Variants in RITA1 observed in about 807,000 individuals in gnomAD.
RITA1 encodes RBPJ-interacting and tubulin-associated protein 1.
Under a neutral mutation model 8.7 loss-of-function variants are expected in RITA1, and 15 were observed. That is an observed-to-expected ratio of 1.72 (90% CI 1.15 to 2.65). The LOEUF is 2.65. Ranked by LOEUF, RITA1 falls within the 30% of genes most tolerant of loss-of-function variation. The pLI, the probability that RITA1 is intolerant of heterozygous loss-of-function variation, is 0.00. For synonymous variants in RITA1, 145 were observed against 156.2 expected (o/e 0.93, Z 0.53); for missense variants, 330 against 363.8 (o/e 0.91, Z 0.76).
chr12:113,190,801 C>CT (rs1437806485), intron 3 of RITA1, among the ~76,000 whole-genome samples: 1 of 152,232 alleles, frequency 6.6e-6, no homozygotes, highest in Non-Finnish European at 1.5e-5. Context: ...CTGGAACTGT[C>CT]TGTCTCCACC....
intron 2 of RITA1, 28 bp downstream of exon 2, chr12:113,186,344 A>G: frequency 7.3e-7 from 1 of 1,376,622 alleles, no homozygotes; most frequent in South Asian, 1.7e-5. Flanking sequence ...GCTGGCTGTC[A>G]TTGCCCCCAC....
In RITA1 at chr12:113,185,926, G is replaced by C. The variant is rs2136332139; in HGVS notation, c.-292G>C. 3 of 1,498,898 alleles carry C rather than the reference G, an allele frequency of 2.0e-6. No individual in the cohort carries two copies. In the African/African-American group the frequency reaches 4.2e-5, roughly 21 times the overall value. 92.8% of individuals were successfully genotyped at this position (1,498,898 alleles called of 1,614,324 possible). On this transcript the variant is annotated 5_prime_UTR_variant, in exon 1 of 4. Transcript: ENST00000548278. Reference sequence around the variant, plus strand: ...GACGGGGATCCCGGATGCACCGCGCGCCCCCGCGCCCTCACCGACGGGTCC... The same window carrying C: ...GACGGGGATCCCGGATGCACCGCGCCCCCCCGCGCCCTCACCGACGGGTCC...
chr12:113,191,691 T>A lies in RITA1; in HGVS notation c.684T>A (p.Pro228=). 1 of 1,614,130 alleles carries A rather than the reference T, an allele frequency of 6.2e-7. No homozygotes were observed. The highest frequency in any genetic ancestry group is 8.5e-7 in the Non-Finnish European group (1 of 1,180,024). ...PHTNGPQDLR[P]STSGVTFRSP... is the part of the protein sequence containing the mutation. ...CAAATGGGCCTCAGGATCTCAGGCC[T>A]TCCACGTCAGGGGTGACCTTCCGGA... Residue 228 remains proline, a synonymous_variant, in exon 4 of 4, where the codon CCT becomes CCA. Transcript: ENST00000548278. The surrounding 1 kb of genome is among the most constrained non-coding windows in gnomAD (Gnocchi z 4.0).
In RITA1 at chr12:113,185,856, A is replaced by G. The variant is rs1952529568; in HGVS notation, c.-362A>G. On this transcript the variant is annotated 5_prime_UTR_variant, in exon 1 of 4. Coordinates refer to ENST00000548278, the MANE Select transcript of RITA1 (RefSeq NM_032848.3). ...CGCGCGCGGTGCCCCGGGACGGCCTAGGCTGCCGGGGGTCCGGGGCCCCAG... is the reference window on the plus strand; with the variant it reads ...CGCGCGCGGTGCCCCGGGACGGCCTGGGCTGCCGGGGGTCCGGGGCCCCAG... The G allele has an allele frequency of 5.9e-6, 6 of 1,009,576 alleles. No individual in the cohort carries two copies. Among genetic ancestry groups the G allele is most frequent in the Non-Finnish European group, 8.6e-6 (6 of 701,646 alleles). The allele number at this position is 1,009,576 out of a possible 1,614,324, so 62.5% of individuals were successfully genotyped here.
intron 3 of RITA1, among the ~76,000 whole-genome samples, chr12:113,188,787 CTTTTTTTTTTTTTTTTTTTTTTTTTTT>C (rs760372956): frequency 1.5e-4 from 11 of 73,158 alleles, no homozygotes; most frequent in South Asian, 4.9e-4. Context: ...CCTTAGTTAC[CTTTTTTTTTTTTTTTTTTTTTTTTTTT>C]TTTTTTTTTT....
chr12:113,186,080 T>C (rs907431311), intron 1 of RITA1, 59 bp downstream of exon 1: 108 of 1,535,292 alleles, frequency 7.0e-5, no homozygotes, highest in Non-Finnish European at 8.8e-5. Flanking sequence ...GGTCATTGAT[T>C]TGGGAGTCGC....
At chr12:113,186,533 T>C in intron 2 of RITA1, 150 bp from the exon 3 acceptor site, 1 of 1,375,264 alleles carries the variant, frequency 7.3e-7, no homozygotes, top group Non-Finnish European at 9.4e-7. Flanking sequence ...CCAAAGAAAT[T>C]TCCAAAATGC....
At chr12:113,186,412 G>C (rs193218640) in intron 2 of RITA1, 96 bp downstream of exon 2, 4 of 1,373,240 alleles carry the variant, frequency 2.9e-6, no homozygotes, top group East Asian at 2.7e-5. Flanking sequence ...TGTGTTTTCT[G>C]GTTGGTGCCT....
rs760372956 is a variant in RITA1 at position 113,188,787 on chromosome 12, C to CT, written c.302+1780dup. ...TATAATGTTATTTAGCCTTAGTTAC[C>CT]TTTTTTTTTTTTTTTTTTTTTTTTT... On this transcript the variant is annotated intron_variant, in intron 3 of 3. Coordinates refer to ENST00000548278, the MANE Select transcript of RITA1 (RefSeq NM_032848.3). Among the ~76,000 whole-genome samples, 8 of 73,204 alleles carry CT rather than the reference C, an allele frequency of 1.1e-4. 2 individuals carry two copies. Among genetic ancestry groups the CT allele is most frequent in the Non-Finnish European group, 1.6e-4 (6 of 38,238 alleles). The allele number at this position is 73,204 out of a possible 152,430, so 48.0% of individuals were successfully genotyped here.
In RITA1 at chr12:113,191,877, T is replaced by C; in HGVS notation, c.*60T>C. 2 of 1,517,764 alleles carry C rather than the reference T, an allele frequency of 1.3e-6. No individual in the cohort carries two copies. Among genetic ancestry groups the C allele is most frequent in the African/African-American group, 1.4e-5 (1 of 71,842 alleles). 94.0% of individuals were successfully genotyped at this position (1,517,764 alleles called of 1,614,324 possible). A position where few individuals can be genotyped will look rare whatever the true frequency, so the allele number is the denominator to read the frequency against. ...CGACAGGTATGGCCCCTTGCCAGGG[T>C]AGGAGGACATTCATCACCCAGGGAA... On this transcript the variant is annotated 3_prime_UTR_variant, in exon 4 of 4. Transcript: ENST00000548278. This position sits in a 1 kb window ranked among gnomAD's most constrained non-coding sequence, Gnocchi z 4.0.
chr12:113,186,463 A>C (rs1241374088), intron 2 of RITA1, 147 bp downstream of exon 2: 1 of 1,369,348 alleles, frequency 7.3e-7, no homozygotes, highest in East Asian at 2.6e-5. Context: ...CGCCAGAGTC[A>C]TTCTGTAAAT....
intron 2 of RITA1, 125 bp downstream of exon 2, chr12:113,186,441 T>A (rs1952537242): frequency 7.3e-7 from 1 of 1,372,830 alleles, no homozygotes; most frequent in Admixed American, 3.2e-5. Context: ...ACAGGTGTCA[T>A]CTCTCCTTCA....
intron 3 of RITA1, chr12:113,187,265 A>C: frequency 2.0e-6 from 1 of 494,266 alleles, no homozygotes; most frequent in Non-Finnish European, 3.5e-6. Flanking sequence ...CAGTAACCTA[A>C]TACTTAGAAA....
chr12:113,185,973 C>G lies in RITA1; in HGVS notation c.-245C>G, dbSNP rs1260806833. 18 of 1,535,304 alleles carry G rather than the reference C, an allele frequency of 1.2e-5. No homozygotes were observed. Among genetic ancestry groups the G allele is most frequent in the Non-Finnish European group, 1.4e-5 (16 of 1,146,428 alleles). ...GTCCAGACCTGGTGGGAAGAAGGTGCGGGGACGGGTCCCTGAGGATCCCGA... is the reference window on the plus strand; with the variant it reads ...GTCCAGACCTGGTGGGAAGAAGGTGGGGGGACGGGTCCCTGAGGATCCCGA... On this transcript the variant is annotated 5_prime_UTR_variant, in exon 1 of 4. Transcript: ENST00000548278.
rs1798513831 is a variant in RITA1 at position 113,186,008 on chromosome 12, G to A, written c.-210G>A. 4 of 1,536,010 alleles carry A rather than the reference G, an allele frequency of 2.6e-6. No individual in the cohort carries two copies. The highest frequency in any genetic ancestry group is 2.6e-6 in the Non-Finnish European group (3 of 1,146,796). Reference sequence around the variant, plus strand: ...TCCCTGAGGATCCCGATGCCTACGAGCCAAGATGCTCAGGTAGGAGAACAA... The same window carrying A: ...TCCCTGAGGATCCCGATGCCTACGAACCAAGATGCTCAGGTAGGAGAACAA... On this transcript the variant is annotated 5_prime_UTR_variant, in exon 1 of 4. Transcript: ENST00000548278.
Position 113,191,543 on chromosome 12 carries a change from A to G in RITA1, c.536A>G (p.Asp179Gly). The G allele has an allele frequency of 6.2e-7, 1 of 1,613,346 alleles. No individual in the cohort carries two copies. The highest frequency in any genetic ancestry group is 8.5e-7 in the Non-Finnish European group (1 of 1,179,532). Residue 179 changes from aspartate to glycine, a missense_variant, in exon 4 of 4, where the codon GAC becomes GGC. Transcript: ENST00000548278. The surrounding 1 kb of genome is among the most constrained non-coding windows in gnomAD (Gnocchi z 4.0). ...PSKTEPGPAADSQKLSMGGLH... is the reference protein window; with the variant it reads ...PSKTEPGPAAGSQKLSMGGLH... Reference sequence around the variant, plus strand: ...AAGACAGAGCCGGGGCCAGCGGCAGACTCCCAGAAGTTATCTATGGGTGGG... The same window carrying G: ...AAGACAGAGCCGGGGCCAGCGGCAGGCTCCCAGAAGTTATCTATGGGTGGG...
At position 113,191,722 on chromosome 12, in the gene RITA1, C is replaced by T; in HGVS notation, c.715C>T (p.Leu239=). The change falls in exon 4 of 4, where the codon CTG becomes TTG. Residue 239 remains leucine, a synonymous_variant. Transcript: ENST00000548278. This position sits in a 1 kb window ranked among gnomAD's most constrained non-coding sequence, Gnocchi z 4.0. ...STSGVTFRSP[L]VTSRARSVSI... ...GTCAGGGGTGACCTTCCGGAGCCCC[C>T]TGGTGACTTCCAGGGCTCGCTCAGT... 1 of 1,614,098 alleles carries T rather than the reference C, an allele frequency of 6.2e-7. No homozygotes were observed. The highest frequency in any genetic ancestry group is 1.7e-4 in the Middle Eastern group (1 of 6,060).
In RITA1 at chr12:113,186,705, G is replaced by A; in HGVS notation, c.-42G>A. On this transcript the variant is annotated 5_prime_UTR_variant, in exon 3 of 4. An upstream open reading frame in the 5' UTR gains an earlier in-frame stop. Transcript: ENST00000548278. The stretch of plus-strand genomic sequence containing the variant: ...CAGGGAGCCTCGGAAGCAGGGCCTG[G>A]CCGGCAGAGCACACCTGCTGTCACC... The A allele has an allele frequency of 3.1e-6, 5 of 1,601,692 alleles. No homozygotes were observed. The highest frequency in any genetic ancestry group is 4.3e-6 in the Non-Finnish European group (5 of 1,171,226).
intron 3 of RITA1, among the ~76,000 whole-genome samples, chr12:113,188,812 TTTTTTTTTTTTTTTTTG>T (rs1952567622): frequency 1.0e-5 from 1 of 99,976 alleles, no homozygotes; most frequent in African/African-American, 4.3e-5. Flanking sequence ...TTTTTTTTTT[TTTTTTTTTTTTTTTTTG>T]AGATGGAGTC....
Sources: allele counts gnomAD v4.1 joint callset (sites outside exome capture counted in the v4.1 genomes callset), GRCh38; gene constraint gnomAD v4.1.1; non-coding constraint Gnocchi (gnomAD v3.1); transcripts MANE v1.5; gene names NCBI Gene and HGNC (gene_info 2026-07-23, HGNC 2026-07-21).